TPD52L1: variants seen among roughly 807,000 people sequenced by gnomAD.
TPD52L1 encodes the protein tumor protein D53.
Under a neutral mutation model 28.7 loss-of-function variants are expected in TPD52L1, and 18 were observed. That is an observed-to-expected ratio of 0.63 (90% CI 0.43 to 0.93). The LOEUF is 0.93. Among genes scored for constraint, TPD52L1 ranks in the 40% least tolerant of loss-of-function variants. The probability of loss-of-function intolerance (pLI) is 0.00; values close to 1 mark genes in which losing one functional copy is unlikely to be tolerated. For synonymous variants in TPD52L1, 75 were observed against 88.8 expected (o/e 0.84, Z 0.88); for missense variants, 203 against 254.8 (o/e 0.80, Z 1.39).
chr6:125,168,854 TTTTGG>T (rs1791089443), intron 1 of TPD52L1, among the ~76,000 whole-genome samples: 1 of 152,164 alleles, frequency 6.6e-6, no homozygotes, highest in African/African-American at 2.4e-5. Flanking sequence ...AAAATAAATG[TTTTGG>T]TTTATGTAGT....
intron 1 of TPD52L1, among the ~76,000 whole-genome samples, chr6:125,213,519 T>C (rs1049746549): frequency 2.0e-5 from 3 of 152,146 alleles, no homozygotes; most frequent in African/African-American, 4.8e-5. Context: ...TTGGCTCTCA[T>C]TGGAGGGAGA....
chr6:125,210,840 T>C (rs547516075), intron 1 of TPD52L1, among the ~76,000 whole-genome samples: 7 of 152,206 alleles, frequency 4.6e-5, no homozygotes, highest in East Asian at 1.9e-4. Flanking sequence ...TTATCCCCAT[T>C]TTACAGATGA....
intron 1 of TPD52L1, among the ~76,000 whole-genome samples, chr6:125,173,772 T>A (rs1286723377): frequency 6.6e-6 from 1 of 152,236 alleles, no homozygotes; most frequent in Non-Finnish European, 1.5e-5. Flanking sequence ...TTCATTTTTT[T>A]AAGTAAGTCC....
At chr6:125,238,973 T>A (rs1009039046) in intron 3 of TPD52L1, among the ~76,000 whole-genome samples, 4 of 152,218 alleles carry the variant, frequency 2.6e-5, no homozygotes, top group African/African-American at 9.6e-5. Flanking sequence ...TAATGACTTC[T>A]TTCCCTTTGG....
chr6:125,218,058 G>T (rs148492019), intron 1 of TPD52L1, among the ~76,000 whole-genome samples: 2 of 152,252 alleles, frequency 1.3e-5, no homozygotes, highest in Non-Finnish European at 2.9e-5. Context: ...CGTCTGATGT[G>T]CATGTATAAC....
At chr6:125,174,902 A>C (rs953911195) in intron 1 of TPD52L1, among the ~76,000 whole-genome samples, 5 of 152,212 alleles carry the variant, frequency 3.3e-5, no homozygotes, top group Admixed American at 6.5e-5. Flanking sequence ...CTGTTGCTTA[A>C]CACCATGCTT....
intron 3 of TPD52L1, among the ~76,000 whole-genome samples, chr6:125,232,662 G>A (rs58719477): frequency 0.049 from 7,435 of 152,200 alleles, 288 homozygotes; most frequent in African/African-American, 0.11. Context: ...AAAATCTATG[G>A]TATGTTAATG....
chr6:125,215,049 G>C (rs1038203438), intron 1 of TPD52L1, among the ~76,000 whole-genome samples: 6 of 152,132 alleles, frequency 3.9e-5, no homozygotes, highest in African/African-American at 1.2e-4. Context: ...TCATGAAATT[G>C]GTTCATAATA....
chr6:125,262,377 A>G (rs1192507831), intron 6 of TPD52L1: 1 of 153,082 alleles, frequency 6.5e-6, no homozygotes, highest in Non-Finnish European at 1.5e-5. Flanking sequence ...TTCAAAAGAC[A>G]TTTGTCAGAA....
rs143199098 is a variant in TPD52L1, at chr6:125,162,203, T to C, written c.19+8233T>C. Among the ~76,000 whole-genome samples the C allele has an allele frequency of 7.9e-5, 12 of 152,316 alleles. No homozygotes were observed. In the East Asian group the frequency reaches 2.1e-3, roughly 27 times the overall value. ...TCCTGTTTAAGTAAAGGTTTTGAAA[T>C]AGGTGATGATGCATATTTTAGGTGA... On this transcript the variant is annotated intron_variant, in intron 1 of 6. Transcript: ENST00000534000.
At chr6:125,172,010 G>T (rs994411207) in intron 1 of TPD52L1, among the ~76,000 whole-genome samples, 1 of 151,422 alleles carries the variant, frequency 6.6e-6, no homozygotes, top group Non-Finnish European at 1.5e-5. Context: ...TATTTAAAAC[G>T]GTACCCTTCC....
At chr6:125,168,699 G>A (rs1278714218) in intron 1 of TPD52L1, among the ~76,000 whole-genome samples, 1 of 152,004 alleles carries the variant, frequency 6.6e-6, no homozygotes, top group African/African-American at 2.4e-5. Context: ...TGTATTTTTA[G>A]TAGAGATGGG....
intron 1 of TPD52L1, among the ~76,000 whole-genome samples, chr6:125,163,762 C>T (rs1406476559): frequency 6.7e-6 from 1 of 150,306 alleles, no homozygotes; most frequent in Non-Finnish European, 1.5e-5. Flanking sequence ...CCCCTCTCTA[C>T]TAAAAATACA....
At chr6:125,196,633 G>T (rs765636730) in intron 1 of TPD52L1, among the ~76,000 whole-genome samples, 1 of 152,152 alleles carries the variant, frequency 6.6e-6, no homozygotes, top group Non-Finnish European at 1.5e-5. Flanking sequence ...ATATACTTTG[G>T]TGTTTATCAG....
At chr6:125,205,700 C>T (rs931879665) in intron 1 of TPD52L1, among the ~76,000 whole-genome samples, 1 of 152,186 alleles carries the variant, frequency 6.6e-6, no homozygotes, top group South Asian at 2.1e-4. Context: ...CATATACTTT[C>T]TGCTATCTTT....
chr6:125,195,134 G>T (rs1793336898), intron 1 of TPD52L1, among the ~76,000 whole-genome samples: 1 of 152,222 alleles, frequency 6.6e-6, no homozygotes, highest in African/African-American at 2.4e-5. Flanking sequence ...GTTACAGAGG[G>T]TATAGTGGTT....
At chr6:125,232,221 G>A (rs1420969616) in intron 3 of TPD52L1, among the ~76,000 whole-genome samples, 3 of 152,152 alleles carry the variant, frequency 2.0e-5, no homozygotes, top group African/African-American at 7.2e-5. Flanking sequence ...CTAACCTTTA[G>A]GAATGAAGTG....
intron 3 of TPD52L1, among the ~76,000 whole-genome samples, chr6:125,235,702 A>AT (rs1582987947): frequency 6.6e-6 from 1 of 152,150 alleles, no homozygotes; most frequent in African/African-American, 2.4e-5. Flanking sequence ...TCAATTGTTG[A>AT]TTTCCAAGTA....
chr6:125,218,535 T>G (rs1482641444), intron 1 of TPD52L1, among the ~76,000 whole-genome samples: 5 of 152,230 alleles, frequency 3.3e-5, no homozygotes, highest in East Asian at 1.9e-4. Context: ...GATATCTTCT[T>G]CCAATTAGTG....
Sources: gnomAD v4.1 joint callset for allele counts (sites outside exome capture counted in the v4.1 genomes callset) on GRCh38, gnomAD v4.1.1 for gene constraint, MANE v1.5 for transcripts, NCBI Gene and HGNC (gene_info 2026-07-23, HGNC 2026-07-21) for gene names.